The following TEAD1 variants were observed in gnomAD, a reference collection of about 807,000 sequenced individuals.
TEAD1 encodes TEA domain transcription factor 1, also known as transcriptional enhancer factor TEF-1.
Under a neutral mutation model 54.9 loss-of-function variants are expected in TEAD1, and 9 were observed. The observed-to-expected ratio is 0.16, with a 90% confidence interval of 0.10 to 0.29. The LOEUF (loss-of-function observed/expected upper bound fraction) is 0.29, where lower values mean the gene tolerates loss of function less well. TEAD1 is among the 10% of genes least tolerant of loss of function. The pLI is 1.00. For synonymous variants in TEAD1, 200 were observed against 187.8 expected, an observed-to-expected ratio of 1.07 and a Z score of -0.53; for missense variants, 387 against 535.9, an observed-to-expected ratio of 0.72 and a Z score of 2.74.
intron 3 of TEAD1, among the ~76,000 whole-genome samples, chr11:12,826,875 T>A (rs1415832375): frequency 6.6e-6 from 1 of 152,162 alleles, no homozygotes; most frequent in Non-Finnish European, 1.5e-5. Flanking sequence ...TGTAGAGTCT[T>A]ATCTTAAAAA....
At chr11:12,923,452 G>C (rs1278705762) in intron 10 of TEAD1, among the ~76,000 whole-genome samples, 1 of 152,150 alleles carries the variant, frequency 6.6e-6, no homozygotes, top group East Asian at 1.9e-4. Context: ...GTTCCGTGTG[G>C]TATGTTCCTC....
At chr11:12,791,171 T>C (rs1002431583) in intron 3 of TEAD1, among the ~76,000 whole-genome samples, 2 of 152,246 alleles carry the variant, frequency 1.3e-5, no homozygotes. Flanking sequence ...TCTTCTTATA[T>C]GGGGTTCATG....
chr11:12,764,455 C>T, intron 3 of TEAD1, 21 bp downstream of exon 3: 1 of 1,612,968 alleles, frequency 6.2e-7, no homozygotes, highest in Non-Finnish European at 8.5e-7. Flanking sequence ...TGGAACACTC[C>T]TTTGAAATAC....
At chr11:12,816,133 G>A (rs1427850074) in intron 3 of TEAD1, among the ~76,000 whole-genome samples, 4 of 152,216 alleles carry the variant, frequency 2.6e-5, no homozygotes, top group Non-Finnish European at 5.9e-5. Flanking sequence ...TGGCTTGTGA[G>A]CCTTCCCACT....
intron 10 of TEAD1, chr11:12,904,900 G>A: frequency 2.9e-6 from 1 of 347,366 alleles, no homozygotes; most frequent in Non-Finnish European, 5.5e-6. Context: ...CCCAGGAAAG[G>A]CGTCTCCTGG....
chr11:12,810,976 G>T (rs1946288102), intron 3 of TEAD1, among the ~76,000 whole-genome samples: 1 of 152,318 alleles, frequency 6.6e-6, no homozygotes, highest in Non-Finnish European at 1.5e-5. Flanking sequence ...AGGACATTCA[G>T]CATCCATTCT....
chr11:12,800,022 C>G (rs1315445862), intron 3 of TEAD1, among the ~76,000 whole-genome samples: 5 of 151,956 alleles, frequency 3.3e-5, no homozygotes, highest in Non-Finnish European at 7.4e-5. Context: ...TTTTTGGAGT[C>G]CAGGGGAATA....
At chr11:12,852,222 C>T (rs61878772) in intron 3 of TEAD1, among the ~76,000 whole-genome samples, 1 of 151,872 alleles carries the variant, frequency 6.6e-6, no homozygotes, top group South Asian at 2.1e-4. Flanking sequence ...GGAGTGGGCT[C>T]TTAGCTTTAG....
chr11:12,871,621 G>A (rs981701330), intron 5 of TEAD1, among the ~76,000 whole-genome samples: 5 of 152,030 alleles, frequency 3.3e-5, no homozygotes, highest in Non-Finnish European at 5.9e-5. Flanking sequence ...GCAGCAAAAA[G>A]GCAGTCCTTT....
chr11:12,937,085 T>C (rs1359438946), intron 12 of TEAD1, 24 bp from the exon 13 acceptor site: 2 of 1,493,464 alleles, frequency 1.3e-6, no homozygotes, highest in Non-Finnish European at 1.9e-6. Context: ...TTTGGTATTA[T>C]ATACTTTTTT....
intron 2 of TEAD1, among the ~76,000 whole-genome samples, chr11:12,727,449 C>G (rs957552859): frequency 1.3e-5 from 2 of 152,124 alleles, no homozygotes; most frequent in Admixed American, 1.3e-4. Flanking sequence ...CCTTGCTGCC[C>G]TGTTTCTGAC....
intron 3 of TEAD1, among the ~76,000 whole-genome samples, chr11:12,855,270 T>TTTTTTTC (rs1947354326): frequency 1.3e-5 from 2 of 152,086 alleles, no homozygotes; most frequent in South Asian, 4.2e-4. Flanking sequence ...TTGCTTTCTT[T>TTTTTTTC]TTTTTTCTTT....
intron 9 of TEAD1, among the ~76,000 whole-genome samples, chr11:12,885,867 C>T (rs1224857581): frequency 6.6e-6 from 1 of 152,226 alleles, no homozygotes; most frequent in East Asian, 1.9e-4. Context: ...TTCGTGTGCA[C>T]CTGCATGTGC....
At chr11:12,878,152 G>T (rs1004351740) in intron 5 of TEAD1, among the ~76,000 whole-genome samples, 2 of 152,118 alleles carry the variant, frequency 1.3e-5, no homozygotes, top group Admixed American at 1.3e-4. Context: ...AAAGGTTAAT[G>T]TAAGCTTTTT....
At chr11:12,831,057 C>T (rs1460778719) in intron 3 of TEAD1, among the ~76,000 whole-genome samples, 1 of 152,158 alleles carries the variant, frequency 6.6e-6, no homozygotes, top group Admixed American at 6.5e-5. Context: ...TAGTTCCAGC[C>T]GTTCAGTTCC....
intron 3 of TEAD1, among the ~76,000 whole-genome samples, chr11:12,837,726 T>C (rs56396679): frequency 1.1e-5 from 1 of 88,398 alleles, no homozygotes; most frequent in Non-Finnish European, 2.5e-5. Flanking sequence ...TTCTCCTTCT[T>C]CTTCTCCTCC....
intron 2 of TEAD1, among the ~76,000 whole-genome samples, chr11:12,730,361 T>C (rs1337948272): frequency 6.6e-6 from 1 of 150,970 alleles, no homozygotes; most frequent in African/African-American, 2.4e-5. Context: ...TGTTTAAGGG[T>C]ATATTCTTTC....
chr11:12,709,002 C>T (rs1284055669), intron 2 of TEAD1, among the ~76,000 whole-genome samples: 1 of 152,212 alleles, frequency 6.6e-6, no homozygotes, highest in Non-Finnish European at 1.5e-5. Flanking sequence ...TTTTCTACTT[C>T]CTACTTCTCT....
intron 2 of TEAD1, among the ~76,000 whole-genome samples, chr11:12,725,025 A>T (rs867879666): frequency 1.3e-5 from 2 of 152,062 alleles, no homozygotes; most frequent in African/African-American, 4.8e-5. Flanking sequence ...CCTTTGCTTG[A>T]GTTCCCCAGG....
Sources: allele counts gnomAD v4.1 joint callset (sites outside exome capture counted in the v4.1 genomes callset), GRCh38; gene constraint gnomAD v4.1.1; transcripts MANE v1.5; gene names NCBI Gene and HGNC (gene_info 2026-07-23, HGNC 2026-07-21).